NRXN1: variants seen among roughly 807,000 people sequenced by gnomAD.
NRXN1 encodes neurexin-1.
Under a neutral mutation model 150.9 loss-of-function variants are expected in NRXN1, and 39 were observed. That is an observed-to-expected ratio of 0.26 (90% CI 0.20 to 0.34). The LOEUF (loss-of-function observed/expected upper bound fraction) is 0.34, where lower values mean the gene tolerates loss of function less well. Ranked by LOEUF, NRXN1 falls within the 10% of genes least tolerant of loss-of-function variation. The pLI is 1.00. For missense variants in NRXN1, 1,815 were observed against 1,949.9 expected (o/e 0.93, Z 1.30); for synonymous variants, 924 against 757.0 (o/e 1.22, Z -3.62).
intron 2 of NRXN1, among the ~76,000 whole-genome samples, chr2:50,975,119 G>A (rs951335141): frequency 6.6e-6 from 1 of 152,078 alleles, no homozygotes; most frequent in East Asian, 1.9e-4. Context: ...TCTTGCAAAT[G>A]TATACTAGTG....
chr2:50,470,955 G>C (rs1289225790), intron 16 of NRXN1, among the ~76,000 whole-genome samples: 1 of 151,706 alleles, frequency 6.6e-6, no homozygotes, highest in Non-Finnish European at 1.5e-5. Flanking sequence ...CAAGAAACTT[G>C]TTTTTGCTAA....
chr2:50,265,763 C>G (rs1486131614), intron 17 of NRXN1, among the ~76,000 whole-genome samples: 1 of 152,068 alleles, frequency 6.6e-6, no homozygotes, highest in Non-Finnish European at 1.5e-5. Flanking sequence ...GTCCTCCTCA[C>G]CACACTCATT....
intron 17 of NRXN1, among the ~76,000 whole-genome samples, chr2:50,254,148 TG>T (rs2067448707): frequency 6.6e-6 from 1 of 151,882 alleles, no homozygotes; most frequent in Admixed American, 6.6e-5. Flanking sequence ...CTTGGGAGGG[TG>T]TATGTGTCCA....
intron 21 of NRXN1, among the ~76,000 whole-genome samples, chr2:50,039,007 G>A (rs575446444): frequency 1.3e-4 from 20 of 151,948 alleles, no homozygotes; most frequent in African/African-American, 4.3e-4. Flanking sequence ...GTGAAACCTC[G>A]TCTCTACTAA....
intron 5 of NRXN1, among the ~76,000 whole-genome samples, chr2:50,836,551 G>A (rs980384788): frequency 2.0e-5 from 3 of 151,754 alleles, no homozygotes; most frequent in South Asian, 2.1e-4. Flanking sequence ...GATTCCACCC[G>A]TAAGTGAGAT....
intron 5 of NRXN1, among the ~76,000 whole-genome samples, chr2:50,700,804 ATT>A (rs34882608): frequency 3.3e-4 from 48 of 144,272 alleles, no homozygotes; most frequent in African/African-American, 4.8e-4. Context: ...TGGGATCAAG[ATT>A]TTTTTTTTTT....
intron 18 of NRXN1, among the ~76,000 whole-genome samples, chr2:50,111,873 A>C (rs1702418391): frequency 6.6e-6 from 1 of 152,168 alleles, no homozygotes; most frequent in African/African-American, 2.4e-5. Flanking sequence ...TTTGTTAATA[A>C]GCTTAGATGC....
At chr2:50,692,801 T>C (rs1574122216) in intron 5 of NRXN1, among the ~76,000 whole-genome samples, 1 of 152,176 alleles carries the variant, frequency 6.6e-6, no homozygotes, top group Non-Finnish European at 1.5e-5. Flanking sequence ...AGCTTTTTCA[T>C]GTTAGTACAA....
intron 18 of NRXN1, among the ~76,000 whole-genome samples, chr2:50,189,108 G>C (rs1486386918): frequency 6.6e-6 from 1 of 152,088 alleles, no homozygotes; most frequent in Non-Finnish European, 1.5e-5. Context: ...CAAAGACTTG[G>C]AACCAACCCA....
At chr2:51,019,718 G>T (rs1218234694) in intron 2 of NRXN1, among the ~76,000 whole-genome samples, 1 of 152,022 alleles carries the variant, frequency 6.6e-6, no homozygotes, top group Non-Finnish European at 1.5e-5. Context: ...TACATTGCCT[G>T]ATTGTGTTGG....
At chr2:50,179,945 A>G (rs946063386) in intron 18 of NRXN1, among the ~76,000 whole-genome samples, 2 of 152,082 alleles carry the variant, frequency 1.3e-5, no homozygotes, top group African/African-American at 2.4e-5. Flanking sequence ...GCACTGTGTC[A>G]TTATTTCTGG....
At chr2:50,742,783 A>G (rs1379550433) in intron 5 of NRXN1, among the ~76,000 whole-genome samples, 1 of 152,172 alleles carries the variant, frequency 6.6e-6, no homozygotes, top group African/African-American at 2.4e-5. Flanking sequence ...ATTAATAAAT[A>G]ATAACATCGG....
chr2:50,838,012 A>T (rs1483950132), intron 5 of NRXN1, among the ~76,000 whole-genome samples: 1 of 152,124 alleles, frequency 6.6e-6, no homozygotes, highest in Non-Finnish European at 1.5e-5. Context: ...GCCTGAGTGA[A>T]ACACATCTAA....
chr2:50,196,184 C>T (rs1047078646), intron 18 of NRXN1, among the ~76,000 whole-genome samples: 5 of 152,066 alleles, frequency 3.3e-5, no homozygotes, highest in Non-Finnish European at 7.4e-5. Flanking sequence ...CATCTGCTGT[C>T]ATTGTTCAGC....
chr2:50,296,739 AT>A (rs1207361507), intron 17 of NRXN1, among the ~76,000 whole-genome samples: 1 of 151,986 alleles, frequency 6.6e-6, no homozygotes, highest in East Asian at 1.9e-4. Flanking sequence ...AAGTGCTGGG[AT>A]TACAGGTATT....
chr2:50,973,288 A>G (rs1007486116), intron 2 of NRXN1, among the ~76,000 whole-genome samples: 1 of 152,130 alleles, frequency 6.6e-6, no homozygotes, highest in African/African-American at 2.4e-5. Context: ...ACTGGCAAAC[A>G]CTGGTCACAG....
chr2:50,580,741 G>C (rs1008150032), intron 8 of NRXN1, among the ~76,000 whole-genome samples: 14 of 152,148 alleles, frequency 9.2e-5, no homozygotes, highest in Non-Finnish European at 1.6e-4. Context: ...TCTGGTTCAA[G>C]AGGGTATTGT....
chr2:50,407,312 C>T (rs1030858284), intron 17 of NRXN1, among the ~76,000 whole-genome samples: 18 of 152,076 alleles, frequency 1.2e-4, no homozygotes, highest in African/African-American at 4.1e-4. Context: ...ACATTTTTGT[C>T]ATCAATTTGC....
Position 50,558,957 on chromosome 2 carries a change from C to A in NRXN1, c.1321-5932G>T, listed in dbSNP as rs966380664. ...ATTAGCCGGGTGTGGTGGCGGGCAC[C>A]TGTAGTCCCAGCTACTTGGGAGGCT... On this transcript the variant is annotated intron_variant, in intron 8 of 22. Transcript: ENST00000401669. Among the ~76,000 whole-genome samples the A allele has an allele frequency of 3.9e-5, 6 of 152,186 alleles. No individual in the cohort carries two copies. In the East Asian group the frequency reaches 1.2e-3, roughly 29 times the overall value.
Sources: gnomAD v4.1 joint callset for allele counts (sites outside exome capture counted in the v4.1 genomes callset) on GRCh38, gnomAD v4.1.1 for gene constraint, MANE v1.5 for transcripts, NCBI Gene and HGNC (gene_info 2026-07-23, HGNC 2026-07-21) for gene names.